The following TCF7 variants were observed in gnomAD, a reference collection of about 807,000 sequenced individuals.
TCF7 encodes T-cell-factor-7.
Under a neutral mutation model 46.8 loss-of-function variants are expected in TCF7, and 19 were observed. That is an observed-to-expected ratio of 0.41 (90% CI 0.28 to 0.60). TCF7 has a LOEUF of 0.60. TCF7 is among the 20% of genes least tolerant of loss of function. TCF7 has a pLI of 0.35. For missense variants in TCF7, 547 were observed against 504.6 expected (o/e 1.08, Z -0.81); for synonymous variants, 245 against 213.4 (o/e 1.15, Z -1.29).
At chr5:134,140,754 G>A (rs769471473) in intron 5 of TCF7, 27 of 454,888 alleles carry the variant, frequency 5.9e-5, no homozygotes, top group Non-Finnish European at 1.1e-4. Flanking sequence ...CTCGTGTCTG[G>A]CCAGCAGCCA....
chr5:134,137,110 A>G (rs1758972938), intron 3 of TCF7, among the ~76,000 whole-genome samples: 1 of 152,138 alleles, frequency 6.6e-6, no homozygotes, highest in African/African-American at 2.4e-5. Flanking sequence ...TCGTCTCTTG[A>G]TAGAGCAATG....
At chr5:134,127,923 A>G (rs1757552234) in intron 3 of TCF7, among the ~76,000 whole-genome samples, 1 of 152,188 alleles carries the variant, frequency 6.6e-6, no homozygotes, top group Non-Finnish European at 1.5e-5. Context: ...GTTCTTAAGT[A>G]AAAAAGGAAT....
intron 3 of TCF7, among the ~76,000 whole-genome samples, chr5:134,130,972 T>C (rs1758040899): frequency 6.7e-6 from 1 of 150,210 alleles, no homozygotes. Context: ...ACAGAAGGAG[T>C]TGGGGATGTG....
rs1446539832 is a variant in TCF7 at position 134,114,725 on chromosome 5, G to T, written c.-182G>T. On this transcript the variant is annotated 5_prime_UTR_variant, in exon 1 of 10. Transcript: ENST00000342854. ...TGATGTTCCGACCCGCCAGCTCGCG[G>T]AGCCGCTCTGCCCCGCGCCCTAGCC... 4.1e-6 allele frequency: 2 copies of T among 483,590 alleles called. No homozygotes were observed. The highest frequency in any genetic ancestry group is 1.7e-4 in the South Asian group (2 of 11,530). The allele number at this position is 483,590 out of a possible 1,614,324, so 30.0% of individuals were successfully genotyped here. A position where few individuals can be genotyped will look rare whatever the true frequency, so the allele number is the denominator to read the frequency against.
chr5:134,143,496 C>A, intron 8 of TCF7, 96 bp from the exon 9 acceptor site: 1 of 1,495,904 alleles, frequency 6.7e-7, no homozygotes, highest in Non-Finnish European at 9.3e-7. Flanking sequence ...GGCCTGTACG[C>A]CCAGAATCCC....
At chr5:134,145,704 G>C in intron 9 of TCF7, 1 of 1,611,342 alleles carries the variant, frequency 6.2e-7, no homozygotes, top group Non-Finnish European at 8.5e-7. Flanking sequence ...AAACAACCCT[G>C]TCTTCAGGGG....
intron 3 of TCF7, among the ~76,000 whole-genome samples, chr5:134,126,680 C>T (rs898310710): frequency 6.6e-6 from 1 of 152,170 alleles, no homozygotes; most frequent in Non-Finnish European, 1.5e-5. Context: ...AGGCGGATCA[C>T]GAGGTCAGGA....
chr5:134,115,186 C>G (rs552777049), intron 1 of TCF7, 31 bp downstream of exon 1: 4 of 1,073,692 alleles, frequency 3.7e-6, no homozygotes, highest in South Asian at 4.4e-5. Flanking sequence ...GCTCCTCCCC[C>G]GCGGTCGCCG....
intron 3 of TCF7, among the ~76,000 whole-genome samples, chr5:134,118,845 G>C (rs1485563037): frequency 6.6e-6 from 1 of 152,086 alleles, no homozygotes; most frequent in Non-Finnish European, 1.5e-5. Context: ...GCAGTGGTGT[G>C]ATCTTGGCTC....
chr5:134,142,087 T>C, intron 5 of TCF7, 98 bp from the exon 6 acceptor site: 1 of 1,545,150 alleles, frequency 6.5e-7, no homozygotes, highest in Non-Finnish European at 8.9e-7. Flanking sequence ...TCTGTTCACC[T>C]GTGTCCTCAA....
At chr5:134,145,554 T>C (rs896729856) in intron 9 of TCF7, 14 of 639,366 alleles carry the variant, frequency 2.2e-5, no homozygotes, top group African/African-American at 2.0e-4. Context: ...AGGGCTAAGA[T>C]AGAGGGTACT....
chr5:134,146,890 C>G lies in TCF7; in HGVS notation c.*587C>G, dbSNP rs140061131. 0.013 allele frequency: 3,597 copies of G among 285,208 alleles called. 45 individuals are homozygous for G. Among genetic ancestry groups the G allele is most frequent in the Non-Finnish European group, 0.019 (2,816 of 151,194 alleles). The allele number at this position is 285,208 out of a possible 1,614,324, so 17.7% of individuals were successfully genotyped here. Reference sequence around the variant, plus strand: ...ACCTTCTCTACCCATCTCCCCCATCCCCCACTGCCACACCCTCCCCATTCA... The same window carrying G: ...ACCTTCTCTACCCATCTCCCCCATCGCCCACTGCCACACCCTCCCCATTCA... On this transcript the variant is annotated 3_prime_UTR_variant, in exon 10 of 10. Coordinates refer to ENST00000342854, the MANE Select transcript of TCF7 (RefSeq NM_003202.5).
At chr5:134,132,534 GA>G (rs1758279111) in intron 3 of TCF7, among the ~76,000 whole-genome samples, 1 of 152,242 alleles carries the variant, frequency 6.6e-6, no homozygotes, top group African/African-American at 2.4e-5. Flanking sequence ...GAGGCCAGAG[GA>G]AACAGCAACT....
chr5:134,115,770 G>C (rs534454632), intron 2 of TCF7, 139 bp from the exon 3 acceptor site: 2 of 1,486,484 alleles, frequency 1.3e-6, no homozygotes, highest in South Asian at 2.8e-5. Context: ...TGGCACTGCC[G>C]ATACTCCCAG....
At chr5:134,123,704 G>C (rs1219028023) in intron 3 of TCF7, 2 of 456,348 alleles carry the variant, frequency 4.4e-6, no homozygotes, top group East Asian at 1.4e-4. Context: ...GGGCAGCGCT[G>C]GTTCCAGAGC....
At chr5:134,112,446 G>A (rs1370258094), upstream of TCF7, among the ~76,000 whole-genome samples, 6 of 152,122 alleles carry the variant, frequency 3.9e-5, no homozygotes, top group Admixed American at 6.5e-5. Context: ...GGATGCCTGT[G>A]ACTCAGCCCT....
intron 3 of TCF7, among the ~76,000 whole-genome samples, chr5:134,122,950 C>T (rs762135527): frequency 6.6e-6 from 1 of 152,190 alleles, no homozygotes; most frequent in African/African-American, 2.4e-5. Flanking sequence ...ACGATGCACC[C>T]TCTGACACTG....
At chr5:134,111,695 G>A (rs1439340329), upstream of TCF7, among the ~76,000 whole-genome samples, 1 of 151,894 alleles carries the variant, frequency 6.6e-6, no homozygotes, top group Non-Finnish European at 1.5e-5. Context: ...AGAAAGTCAG[G>A]GCTCCATATT....
At chr5:134,142,922 C>A (rs151077670) in intron 7 of TCF7, 39 bp downstream of exon 7, 1 of 1,611,180 alleles carries the variant, frequency 6.2e-7, no homozygotes, top group Non-Finnish European at 8.5e-7. Flanking sequence ...GGATGCTCCC[C>A]GACCATCTTC....
Sources: allele counts gnomAD v4.1 joint callset (sites outside exome capture counted in the v4.1 genomes callset), GRCh38; gene constraint gnomAD v4.1.1; transcripts MANE v1.5; gene names NCBI Gene and HGNC (gene_info 2026-07-23, HGNC 2026-07-21).